Variants in APLP2 observed in about 807,000 individuals in gnomAD.
APLP2 encodes the protein amyloid beta precursor like protein 2, also known as CDEI box-binding protein.
APLP2 carries 53 observed loss-of-function variants against 89.9 expected under a neutral mutation model. The ratio of observed to expected loss-of-function variants is 0.59; its 90% CI spans 0.47 to 0.74. APLP2 has a LOEUF of 0.74. Ranked by LOEUF, APLP2 falls within the 30% of genes least tolerant of loss-of-function variation. The pLI is 0.00. For synonymous variants in APLP2, 372 were observed against 348.6 expected, an observed-to-expected ratio of 1.07 and a Z score of -0.75; for missense variants, 973 against 975.9, an observed-to-expected ratio of 1.00 and a Z score of 0.04.
At chr11:130,105,281 T>A (rs1947510993) in intron 1 of APLP2, among the ~76,000 whole-genome samples, 1 of 152,208 alleles carries the variant, frequency 6.6e-6, no homozygotes, top group Non-Finnish European at 1.5e-5. Context: ...CTGGGTGTGA[T>A]GGCGCATGCC....
intron 1 of APLP2, among the ~76,000 whole-genome samples, chr11:130,071,922 T>C (rs1941180173): frequency 6.6e-6 from 1 of 152,264 alleles, no homozygotes; most frequent in South Asian, 2.1e-4. Context: ...TTTTGTTTAT[T>C]TGCTGTCAGG....
chr11:130,096,406 A>C (rs7944503), intron 1 of APLP2, among the ~76,000 whole-genome samples: 7 of 152,154 alleles, frequency 4.6e-5, no homozygotes, highest in African/African-American at 7.2e-5. Context: ...CCCAGTGCCC[A>C]CCTGACAAGT....
rs554977750 is a variant in APLP2, at chr11:130,132,122, T to C, written c.1585-1507T>C. The stretch of plus-strand genomic sequence containing the variant: ...CTCTGTGGTTCTTGTCCTCTGTGAG[T>C]GTATGAACCTTCCTGTCTCACACGG... On this transcript the variant is annotated intron_variant, in intron 11 of 16. Transcript: ENST00000338167. Among the ~76,000 whole-genome samples the C allele has an allele frequency of 2.4e-3, 362 of 152,254 alleles. 5 individuals are homozygous for C. Among genetic ancestry groups the C allele is most frequent in the Non-Finnish European group, 4.0e-3 (275 of 68,020 alleles).
intron 1 of APLP2, among the ~76,000 whole-genome samples, chr11:130,073,914 G>T (rs576188314): frequency 6.6e-6 from 1 of 152,154 alleles, no homozygotes; most frequent in Admixed American, 6.5e-5. Flanking sequence ...CCTTTACTCA[G>T]ATTCACCAAT....
chr11:130,118,425 C>T (rs1166077930), intron 3 of APLP2, among the ~76,000 whole-genome samples: 2 of 152,090 alleles, frequency 1.3e-5, no homozygotes, highest in Admixed American at 6.5e-5. Flanking sequence ...ATAAAGAAAC[C>T]GAGGGACAGA....
At chr11:130,107,033 C>G (rs949909476) in intron 1 of APLP2, among the ~76,000 whole-genome samples, 1 of 152,156 alleles carries the variant, frequency 6.6e-6, no homozygotes, top group Non-Finnish European at 1.5e-5. Context: ...TCTTTTCCTT[C>G]TTAAGACATT....
chr11:130,120,245 T>A (rs1191003785), intron 3 of APLP2, among the ~76,000 whole-genome samples: 1 of 152,226 alleles, frequency 6.6e-6, no homozygotes, highest in Non-Finnish European at 1.5e-5. Flanking sequence ...CATTGATTAT[T>A]CTTACTGGAT....
Position 130,141,869 on chromosome 11 carries a change from G to A in APLP2, c.1999-50G>A. ...CCCTCAGTGAGTTACTTGCCTCACG[G>A]CTGCCAGATGGTCACTGGGACTTTT... On this transcript the variant is annotated intron_variant, in intron 15 of 16. Transcript: ENST00000338167. This position sits in a 1 kb window ranked among gnomAD's most constrained non-coding sequence, Gnocchi z 4.2. The A allele has an allele frequency of 6.4e-7, 1 of 1,564,488 alleles. No individual in the cohort carries two copies.
At position 130,070,001 on chromosome 11, in the gene APLP2, C is replaced by T; in HGVS notation, c.24C>T (p.Ala8=). ...GGATGGCGGCCACCGGGACCGCGGC[C>T]GCCGCAGCCACGGGCAGGCTCCTGC... MAATGTA[A]AAATGRLLLL... Residue 8 remains alanine (A), a synonymous_variant, in exon 1 of 17, where the codon GCC becomes GCT. Coordinates refer to ENST00000338167, the MANE Select transcript of APLP2 (RefSeq NM_001142276.2). 2.0e-6 allele frequency: 3 copies of T among 1,504,600 alleles called. No homozygotes were observed. The highest frequency in any genetic ancestry group is 2.4e-5 in the South Asian group (2 of 82,036). The allele number at this position is 1,504,600 out of a possible 1,614,324, so 93.2% of individuals were successfully genotyped here.
intron 1 of APLP2, among the ~76,000 whole-genome samples, chr11:130,107,061 T>G (rs564138121): frequency 1.3e-5 from 2 of 152,362 alleles, no homozygotes; most frequent in East Asian, 3.9e-4. Flanking sequence ...GTGGTCACAC[T>G]TTTTGTGAGT....
chr11:130,069,899 C>G lies in APLP2; in HGVS notation c.-79C>G, dbSNP rs1224779608. The G allele has an allele frequency of 1.2e-5, 13 of 1,116,840 alleles. No homozygotes were observed. Among genetic ancestry groups the G allele is most frequent in the African/African-American group, 1.6e-5 (1 of 61,170 alleles). The allele number at this position is 1,116,840 out of a possible 1,614,324, so 69.2% of individuals were successfully genotyped here. On this transcript the variant is annotated 5_prime_UTR_variant, in exon 1 of 17. Coordinates refer to ENST00000338167, the MANE Select transcript of APLP2 (RefSeq NM_001142276.2). ...GGCGGCGGCGAACTGGCTTTAGATG[C>G]TTCTGGGTCGCGGTGTGCTAAGCGA...
chr11:130,124,547 A>C (rs1950175046), intron 7 of APLP2, among the ~76,000 whole-genome samples: 1 of 152,176 alleles, frequency 6.6e-6, no homozygotes, highest in Middle Eastern at 3.2e-3. Flanking sequence ...CTCACCTTGC[A>C]GCACTAACCT....
chr11:130,076,818 CCAGCATAAGACCCCT>C lies in APLP2; in HGVS notation c.105+6740_105+6754del, dbSNP rs1446027616. The stretch of plus-strand genomic sequence containing the variant: ...GTGAAGAAACCTTTCTCAAAGCCCA[CCAGCATAAGACCCCT>C]CAGGTGTCACTGGATAGAAGTGTAT... On this transcript the variant is annotated intron_variant, in intron 1 of 16. Coordinates refer to ENST00000338167, the MANE Select transcript of APLP2 (RefSeq NM_001142276.2). 2.6e-5 allele frequency among the ~76,000 whole-genome samples: 4 copies of C among 152,166 alleles called. No homozygotes were observed. In the East Asian group the frequency reaches 5.8e-4, roughly 22 times the overall value.
chr11:130,076,030 C>T (rs1942063180), intron 1 of APLP2, among the ~76,000 whole-genome samples: 2 of 152,154 alleles, frequency 1.3e-5, no homozygotes, highest in African/African-American at 2.4e-5. Context: ...TTTTCTTTCG[C>T]ATCATTCAAA....
chr11:130,081,912 G>C (rs899506874), intron 1 of APLP2, among the ~76,000 whole-genome samples: 3 of 152,078 alleles, frequency 2.0e-5, no homozygotes, highest in Non-Finnish European at 2.9e-5. Flanking sequence ...CTCTGGAAAG[G>C]ACTTGATCTA....
In APLP2 at chr11:130,129,234, C is replaced by T. The variant is rs768826310; in HGVS notation, c.1455+28C>T. 20 of 1,596,560 alleles carry T rather than the reference C, an allele frequency of 1.3e-5. No homozygotes were observed. In the South Asian group the frequency reaches 1.9e-4, roughly 15 times the overall value. On this transcript the variant is annotated intron_variant, in intron 10 of 16. Transcript: ENST00000338167. ...GAGTCCTGCCCCTAGCACTGCCTGCCCTGAGGTGGTATATGTAGGGGACCA... is the reference window on the plus strand; with the variant it reads ...GAGTCCTGCCCCTAGCACTGCCTGCTCTGAGGTGGTATATGTAGGGGACCA...
At chr11:130,109,264 C>T in intron 1 of APLP2, 165 bp from the exon 2 acceptor site, 1 of 546,368 alleles carries the variant, frequency 1.8e-6, no homozygotes, top group Non-Finnish European at 2.9e-6. Context: ...CCAGAAGTCA[C>T]TTTTTATTCT....
chr11:130,142,992 T>C (rs1366414972), intron 16 of APLP2, among the ~76,000 whole-genome samples: 3 of 152,106 alleles, frequency 2.0e-5, no homozygotes, highest in African/African-American at 7.2e-5. Flanking sequence ...GATCCCCTGG[T>C]CCCACCGTCT....
intron 1 of APLP2, among the ~76,000 whole-genome samples, chr11:130,100,107 A>G (rs1375812670): frequency 6.6e-6 from 1 of 152,246 alleles, no homozygotes; most frequent in East Asian, 1.9e-4. Context: ...AGCAGCACTG[A>G]TGTGTAGTTA....
Sources: gnomAD v4.1 joint callset for allele counts (sites outside exome capture counted in the v4.1 genomes callset) on GRCh38, gnomAD v4.1.1 for gene constraint, Gnocchi (gnomAD v3.1) non-coding constraint, MANE v1.5 for transcripts, NCBI Gene and HGNC (gene_info 2026-07-23, HGNC 2026-07-21) for gene names.